GALNT18: variants seen among roughly 807,000 people sequenced by gnomAD.
The protein encoded by GALNT18 is polypeptide N-acetylgalactosaminyltransferase 18.
A neutral mutation model predicts 69.5 loss-of-function variants in GALNT18; 44 were observed. That is an observed-to-expected ratio of 0.63 (90% CI 0.50 to 0.81). The LOEUF (loss-of-function observed/expected upper bound fraction) is 0.81. Among genes scored for constraint, GALNT18 ranks in the 40% least tolerant of loss-of-function variants. The pLI, the probability that GALNT18 is intolerant of heterozygous loss-of-function variation, is 0.00. For synonymous variants in GALNT18, 364 were observed against 318.2 expected (o/e 1.14, Z -1.53); for missense variants, 715 against 810.0 (o/e 0.88, Z 1.42).
At chr11:11,306,488 C>T (rs1041964455) in intron 9 of GALNT18, among the ~76,000 whole-genome samples, 2 of 152,230 alleles carry the variant, frequency 1.3e-5, no homozygotes, top group Middle Eastern at 3.2e-3. Flanking sequence ...AACACCATCT[C>T]CATCTCCATT....
chr11:11,438,039 A>G (rs574662628), intron 2 of GALNT18, among the ~76,000 whole-genome samples: 4 of 152,024 alleles, frequency 2.6e-5, no homozygotes, highest in Admixed American at 2.6e-4. Flanking sequence ...AGGCTCACTA[A>G]CCCCCTGGGA....
chr11:11,410,327 C>T (rs894791433), intron 3 of GALNT18, among the ~76,000 whole-genome samples: 10 of 152,144 alleles, frequency 6.6e-5, no homozygotes, highest in African/African-American at 2.2e-4. Context: ...CTCAAATTAC[C>T]CACTTTGAGA....
At chr11:11,398,428 C>T (rs1854384097) in intron 3 of GALNT18, among the ~76,000 whole-genome samples, 1 of 152,206 alleles carries the variant, frequency 6.6e-6, no homozygotes. Flanking sequence ...TCATTTACTC[C>T]TCCCAACAAG....
chr11:11,425,448 T>C lies in GALNT18; in HGVS notation c.595+7173A>G, dbSNP rs577199332. ...GACAGACATCTCCAGGGTATGGGAT[T>C]CTTAAAAGAATATTTGATATTACCA... On this transcript the variant is annotated intron_variant, in intron 3 of 10. Transcript: ENST00000227756. Among the ~76,000 whole-genome samples, 92 of 152,342 alleles carry C rather than the reference T, an allele frequency of 6.0e-4. 1 individual carries two copies. Among genetic ancestry groups the C allele is most frequent in the Non-Finnish European group, 1.1e-3 (78 of 68,034 alleles).
intron 3 of GALNT18, among the ~76,000 whole-genome samples, chr11:11,395,216 T>C (rs1297936849): frequency 5.9e-5 from 9 of 152,190 alleles, no homozygotes; most frequent in Non-Finnish European, 1.3e-4. Context: ...CATGCCTCTA[T>C]GACAAGTTTA....
chr11:11,451,697 G>T (rs1481854094), intron 1 of GALNT18, among the ~76,000 whole-genome samples: 4 of 152,346 alleles, frequency 2.6e-5, no homozygotes, highest in Non-Finnish European at 4.4e-5. Flanking sequence ...CTGCTGGACT[G>T]CCAGCTCCTA....
intron 1 of GALNT18, among the ~76,000 whole-genome samples, chr11:11,530,628 T>C (rs1016182482): frequency 2.0e-5 from 3 of 152,198 alleles, no homozygotes; most frequent in Non-Finnish European, 4.4e-5. Flanking sequence ...CCAGACCACA[T>C]AGAGCTGGGA....
At chr11:11,608,527 T>C (rs1859808773) in intron 1 of GALNT18, among the ~76,000 whole-genome samples, 1 of 149,410 alleles carries the variant, frequency 6.7e-6, no homozygotes, top group South Asian at 2.1e-4. Flanking sequence ...GCCCAGCTAA[T>C]TTTTGTATTT....
chr11:11,340,927 G>A lies in GALNT18; in HGVS notation c.1170C>T (p.Tyr390=). 1 of 1,614,060 alleles carries A rather than the reference G, an allele frequency of 6.2e-7. No homozygotes were observed. Among genetic ancestry groups the A allele is most frequent in the African/African-American group, 1.3e-5 (1 of 75,050 alleles). The change falls in exon 7 of 11, where the codon TAC becomes TAT. Residue 390 remains tyrosine (Y), a synonymous_variant. Coordinates refer to ENST00000227756, the MANE Select transcript of GALNT18 (RefSeq NM_198516.3). The surrounding 1 kb of genome is among the most constrained non-coding windows in gnomAD (Gnocchi z 4.2). ...IAHIERAHKP[Y]TEDLTAHVRR... ...GGACATGGGCGGTGAGGTCCTCTGT[G>A]TAGGGCTTGTGGGCTCGCTCAATGT...
At chr11:11,446,742 A>T (rs1376730691) in intron 2 of GALNT18, among the ~76,000 whole-genome samples, 3 of 152,186 alleles carry the variant, frequency 2.0e-5, no homozygotes, top group Non-Finnish European at 2.9e-5. Flanking sequence ...TTCTCAGTAT[A>T]GCAGCCACAG....
At chr11:11,306,211 G>A (rs1390151454) in intron 9 of GALNT18, among the ~76,000 whole-genome samples, 2 of 91,094 alleles carry the variant, frequency 2.2e-5, no homozygotes, top group Non-Finnish European at 5.5e-5. Context: ...ATGTGTGTGT[G>A]TCTGTGTGTG....
chr11:11,548,707 A>C (rs934411099), intron 1 of GALNT18, among the ~76,000 whole-genome samples: 3 of 152,208 alleles, frequency 2.0e-5, no homozygotes, highest in African/African-American at 7.2e-5. Flanking sequence ...CACATGCACA[A>C]TTTATCACTT....
chr11:11,411,810 T>C (rs1471430431), intron 3 of GALNT18, among the ~76,000 whole-genome samples: 1 of 152,130 alleles, frequency 6.6e-6, no homozygotes, highest in Non-Finnish European at 1.5e-5. Context: ...GCTGCACCAT[T>C]CAAGTCTAGC....
In GALNT18 at chr11:11,589,923, G is replaced by A. The variant is rs538705685; in HGVS notation, c.235+31436C>T. Among the ~76,000 whole-genome samples, 21 of 152,318 alleles carry A rather than the reference G, an allele frequency of 1.4e-4. No individual in the cohort carries two copies. The South Asian group carries it at 3.5e-3, about 26-fold the overall frequency. The stretch of plus-strand genomic sequence containing the variant: ...CACAACACCCACTGCATCCAGAGGT[G>A]CAGAACCTGAGCCAGCCATTAAAGG... On this transcript the variant is annotated intron_variant, in intron 1 of 10. Coordinates refer to ENST00000227756, the MANE Select transcript of GALNT18 (RefSeq NM_198516.3).
At chr11:11,293,923 A>G (rs924789166) in intron 9 of GALNT18, among the ~76,000 whole-genome samples, 5 of 143,642 alleles carry the variant, frequency 3.5e-5, no homozygotes, top group Non-Finnish European at 3.0e-5. Context: ...TGGGAGATGT[A>G]TAACAATTTC....
At chr11:11,271,989 T>C (rs1004626506) in intron 10 of GALNT18, among the ~76,000 whole-genome samples, 3 of 152,162 alleles carry the variant, frequency 2.0e-5, no homozygotes, top group African/African-American at 7.2e-5. Flanking sequence ...TTGCTGGCTG[T>C]GAGTCTGAGG....
Position 11,463,223 on chromosome 11 carries a change from C to CAG in GALNT18, c.236-14288_236-14287insCT, listed in dbSNP as rs1176016698. ...ACAGACAGACAGACACACACACACA[C>CAG]ACAGAGAGAGAGAGAGAGAGTTCCA... is the stretch of plus-strand genomic sequence containing the variant. On this transcript the variant is annotated intron_variant, in intron 1 of 10. Transcript: ENST00000227756. This position sits in a 1 kb window ranked among gnomAD's most constrained non-coding sequence, Gnocchi z 4.2. 1.3e-5 allele frequency among the ~76,000 whole-genome samples: 2 copies of CAG among 151,006 alleles called. No individual in the cohort carries two copies. The highest frequency in any genetic ancestry group is 6.6e-5 in the Admixed American group (1 of 15,184).
rs981336737 is a variant in GALNT18, at chr11:11,511,714, T to C, written c.236-62778A>G. ...ATCATAAGGGTGGAGCCCTCATCAATGGTATATTGGTGCCCTTCTAAGAAG... is the reference window on the plus strand; with the variant it reads ...ATCATAAGGGTGGAGCCCTCATCAACGGTATATTGGTGCCCTTCTAAGAAG... On this transcript the variant is annotated intron_variant, in intron 1 of 10. Transcript: ENST00000227756. The surrounding 1 kb of genome is among the most constrained non-coding windows in gnomAD (Gnocchi z 4.9). 6.6e-6 allele frequency among the ~76,000 whole-genome samples: 1 copy of C among 152,118 alleles called. No homozygotes were observed. The highest frequency in any genetic ancestry group is 2.4e-5 in the African/African-American group (1 of 41,410).
intron 9 of GALNT18, among the ~76,000 whole-genome samples, chr11:11,322,404 AT>A (rs773636626): frequency 6.6e-6 from 1 of 152,202 alleles, no homozygotes; most frequent in African/African-American, 2.4e-5. Flanking sequence ...AACATTCAAC[AT>A]TTGTCCAATG....
Sources: allele counts gnomAD v4.1 joint callset (sites outside exome capture counted in the v4.1 genomes callset), GRCh38; gene constraint gnomAD v4.1.1; non-coding constraint Gnocchi (gnomAD v3.1); transcripts MANE v1.5; gene names NCBI Gene and HGNC (gene_info 2026-07-23, HGNC 2026-07-21).